The following MGLL variants were observed in gnomAD, a reference collection of about 807,000 sequenced individuals.
MGLL encodes lysophospholipase homolog.
Under a neutral mutation model 29.1 loss-of-function variants are expected in MGLL, and 7 were observed. That is an observed-to-expected ratio of 0.24 (90% CI 0.14 to 0.45). MGLL has a LOEUF of 0.45. Ranked by LOEUF, MGLL falls within the 20% of genes least tolerant of loss-of-function variation. The pLI is 0.99. For synonymous variants in MGLL, 148 were observed against 168.3 expected (o/e 0.88, Z 0.93); for missense variants, 356 against 413.6 (o/e 0.86, Z 1.21).
At chr3:127,728,149 A>C (rs2076081027) in intron 3 of MGLL, among the ~76,000 whole-genome samples, 1 of 152,214 alleles carries the variant, frequency 6.6e-6, no homozygotes, top group South Asian at 2.1e-4. Context: ...ACTTGACACA[A>C]CAGTCAGAAA....
intron 5 of MGLL, among the ~76,000 whole-genome samples, chr3:127,716,386 G>A (rs1224929998): frequency 2.0e-5 from 3 of 148,758 alleles, no homozygotes; most frequent in Non-Finnish European, 4.5e-5. Context: ...CTGGCTTCTG[G>A]CCCTAAGGAG....
Position 127,815,436 on chromosome 3 carries a change from G to A in MGLL, c.155+6258C>T, listed in dbSNP as rs1053894162. Among the ~76,000 whole-genome samples the A allele has an allele frequency of 1.3e-5, 2 of 152,228 alleles. 1 individual carries two copies. The highest frequency in any genetic ancestry group is 4.1e-4 in the South Asian group (2 of 4,834). On this transcript the variant is annotated intron_variant, in intron 2 of 7. Coordinates refer to ENST00000265052, the MANE Select transcript of MGLL (RefSeq NM_007283.7). ...CCCTCCTTCTCCCTCTGCTGCCCAT[G>A]CATCCTCAGGTACAGTCCATGTTCA... is the stretch of plus-strand genomic sequence containing the variant.
upstream of MGLL, chr3:127,823,172 G>C (rs1224010179): frequency 2.0e-5 from 3 of 151,654 alleles, no homozygotes; most frequent in Non-Finnish European, 4.4e-5. Flanking sequence ...GCGCGCGACC[G>C]GCTTCGCGGC....
chr3:127,715,748 G>T (rs1301113629), intron 5 of MGLL: 1 of 456,674 alleles, frequency 2.2e-6, no homozygotes, highest in Non-Finnish European at 4.4e-6. Flanking sequence ...CACCCAGATG[G>T]ATCACATTGT....
intron 2 of MGLL, among the ~76,000 whole-genome samples, chr3:127,787,388 T>C (rs1358387861): frequency 6.6e-6 from 1 of 152,136 alleles, no homozygotes; most frequent in Non-Finnish European, 1.5e-5. Context: ...CCAAGAGAAT[T>C]AAACGGACAG....
At chr3:127,747,546 A>G (rs2076471710) in intron 3 of MGLL, among the ~76,000 whole-genome samples, 1 of 152,216 alleles carries the variant, frequency 6.6e-6, no homozygotes, top group East Asian at 1.9e-4. Context: ...AGAACTCATC[A>G]GGACAAGAGC....
At chr3:127,721,709 G>A (rs1400514313) in intron 4 of MGLL, among the ~76,000 whole-genome samples, 1 of 152,126 alleles carries the variant, frequency 6.6e-6, no homozygotes, top group Non-Finnish European at 1.5e-5. Context: ...GGTTGCAACC[G>A]CAAATGCTCA....
intron 2 of MGLL, among the ~76,000 whole-genome samples, chr3:127,802,881 G>A (rs1217661799): frequency 6.6e-6 from 1 of 152,158 alleles, no homozygotes; most frequent in Non-Finnish European, 1.5e-5. Context: ...CTCCACAGCT[G>A]TCCCAAGATT....
intron 3 of MGLL, among the ~76,000 whole-genome samples, chr3:127,773,585 C>T (rs866284812): frequency 9.9e-5 from 15 of 152,272 alleles, no homozygotes; most frequent in South Asian, 6.2e-4. Flanking sequence ...GACAGCATGA[C>T]GGGGACTTGT....
Position 127,759,951 on chromosome 3 carries a change from C to G in MGLL, c.262+21838G>C, listed in dbSNP as rs116434211. Reference sequence around the variant, plus strand: ...AATGATCCAGCACTTCTCCACGACTCTGAGGAGGAGGCAGCTGGCCCCTGC... The same window carrying G: ...AATGATCCAGCACTTCTCCACGACTGTGAGGAGGAGGCAGCTGGCCCCTGC... On this transcript the variant is annotated intron_variant, in intron 3 of 7. Coordinates refer to ENST00000265052, the MANE Select transcript of MGLL (RefSeq NM_007283.7). 6.4e-3 allele frequency among the ~76,000 whole-genome samples: 974 copies of G among 152,356 alleles called. 16 individuals are homozygous for G. Among genetic ancestry groups the G allele is most frequent in the African/African-American group, 0.022 (913 of 41,576 alleles).
chr3:127,782,557 C>T (rs2077145916), intron 2 of MGLL, among the ~76,000 whole-genome samples: 1 of 152,192 alleles, frequency 6.6e-6, no homozygotes, highest in Non-Finnish European at 1.5e-5. Flanking sequence ...TGGCGCGGGG[C>T]AGGCAGGTCC....
chr3:127,700,998 T>C (rs1392016837), intron 6 of MGLL, among the ~76,000 whole-genome samples: 1 of 152,030 alleles, frequency 6.6e-6, no homozygotes, highest in Non-Finnish European at 1.5e-5. Flanking sequence ...GCAGATCACT[T>C]GGGCCCAGGA....
chr3:127,768,577 T>C (rs543409333), intron 3 of MGLL, among the ~76,000 whole-genome samples: 1 of 152,200 alleles, frequency 6.6e-6, no homozygotes, highest in African/African-American at 2.4e-5. Context: ...CCTGACCTAC[T>C]TTACTCTGAC....
intron 3 of MGLL, chr3:127,735,823 C>T (rs1290894564): frequency 5.0e-6 from 8 of 1,598,210 alleles, no homozygotes; most frequent in Non-Finnish European, 6.8e-6. Flanking sequence ...TGCTCGCATC[C>T]TTCCAGGGGA....
chr3:127,713,354 C>G (rs558953077), intron 5 of MGLL: 1 of 152,202 alleles, frequency 6.6e-6, no homozygotes, highest in African/African-American at 2.4e-5. Flanking sequence ...GCGGGAGGAT[C>G]CCCACCACAC....
intron 3 of MGLL, among the ~76,000 whole-genome samples, chr3:127,758,640 C>T (rs960607872): frequency 5.3e-5 from 8 of 152,184 alleles, no homozygotes; most frequent in African/African-American, 9.7e-5. Context: ...CCTAACAATT[C>T]GGCTGTACCG....
At chr3:127,695,285 T>C (rs2075337043) in intron 6 of MGLL, 95 bp from the exon 7 acceptor site, 3 of 1,277,262 alleles carry the variant, frequency 2.3e-6, no homozygotes, top group South Asian at 2.7e-5. Context: ...TGCTCTGGCC[T>C]GAAGGGTTGA....
At chr3:127,744,818 G>T (rs2076411671) in intron 3 of MGLL, among the ~76,000 whole-genome samples, 1 of 152,192 alleles carries the variant, frequency 6.6e-6, no homozygotes, top group Non-Finnish European at 1.5e-5. Flanking sequence ...CAAATGAAGA[G>T]AAATGTCAAA....
Position 127,806,133 on chromosome 3 carries a change from G to T in MGLL, c.155+15561C>A, listed in dbSNP as rs191141959. On this transcript the variant is annotated intron_variant, in intron 2 of 7. Transcript: ENST00000265052. ...AATGGCCAGGTGGGGCATGAGCATGGGACTGTGAGGGTCCTCTCCTCTGGG... is the reference window on the plus strand; with the variant it reads ...AATGGCCAGGTGGGGCATGAGCATGTGACTGTGAGGGTCCTCTCCTCTGGG... 2.2e-3 allele frequency among the ~76,000 whole-genome samples: 330 copies of T among 152,304 alleles called. 2 individuals carry two copies. The highest frequency in any genetic ancestry group is 4.8e-3 in the Admixed American group (74 of 15,296).
Sources: allele counts gnomAD v4.1 joint callset (sites outside exome capture counted in the v4.1 genomes callset), GRCh38; gene constraint gnomAD v4.1.1; transcripts MANE v1.5; gene names NCBI Gene and HGNC (gene_info 2026-07-23, HGNC 2026-07-21).